MLIP: variants seen among roughly 807,000 people sequenced by gnomAD.
MLIP encodes the protein muscular LMNA-interacting protein.
Under a neutral mutation model 84.8 loss-of-function variants are expected in MLIP, and 79 were observed. The ratio of observed to expected loss-of-function variants is 0.93; its 90% CI spans 0.78 to 1.12. MLIP has a LOEUF of 1.12. MLIP is among the 50% of genes most tolerant of loss of function. The pLI, the probability that MLIP is intolerant of heterozygous loss-of-function variation, is 0.00. For synonymous variants in MLIP, 504 were observed against 463.0 expected, an observed-to-expected ratio of 1.09 and a Z score of -1.14; for missense variants, 1,257 against 1,160.6, an observed-to-expected ratio of 1.08 and a Z score of -1.21.
intron 4 of MLIP, among the ~76,000 whole-genome samples, chr6:54,139,980 A>G (rs1291849382): frequency 6.6e-6 from 1 of 152,174 alleles, no homozygotes; most frequent in East Asian, 1.9e-4. Flanking sequence ...TGAGATGGAT[A>G]AAATTTAACT....
intron 1 of MLIP, among the ~76,000 whole-genome samples, chr6:54,059,681 G>C (rs1444024531): frequency 1.3e-5 from 2 of 152,104 alleles, no homozygotes; most frequent in Non-Finnish European, 2.9e-5. Flanking sequence ...TTAATTCCCT[G>C]CTGGCCATAA....
At chr6:54,169,367 G>T (rs940217363) in intron 8 of MLIP, among the ~76,000 whole-genome samples, 161 bp from the exon 9 acceptor site, 1 of 151,714 alleles carries the variant, frequency 6.6e-6, no homozygotes, top group Non-Finnish European at 1.5e-5. Context: ...ATAATCAAGT[G>T]ATATCATTTT....
At chr6:54,101,062 A>G (rs566979154) in intron 1 of MLIP, among the ~76,000 whole-genome samples, 2 of 152,276 alleles carry the variant, frequency 1.3e-5, no homozygotes, top group East Asian at 1.9e-4. Context: ...GAGGATATGG[A>G]GCAAATATTT....
intron 1 of MLIP, among the ~76,000 whole-genome samples, chr6:54,035,022 G>A (rs1764347783): frequency 6.6e-6 from 1 of 152,098 alleles, no homozygotes; most frequent in Non-Finnish European, 1.5e-5. Context: ...ACAGTTACAT[G>A]TTGTACAGGT....
chr6:54,213,728 A>ACAAT (rs375011233), intron 11 of MLIP, among the ~76,000 whole-genome samples: 1 of 40,806 alleles, frequency 2.5e-5, no homozygotes, highest in African/African-American at 5.2e-5. Flanking sequence ...AAAAAAAAAA[A>ACAAT]AAAAAAAACA....
At chr6:54,113,307 C>T (rs1042145641) in intron 1 of MLIP, among the ~76,000 whole-genome samples, 1 of 152,144 alleles carries the variant, frequency 6.6e-6, no homozygotes, top group Admixed American at 6.5e-5. Context: ...ATTATTTGAA[C>T]TACTTCAGTA....
chr6:54,142,151 A>G (rs1157991187), intron 4 of MLIP, among the ~76,000 whole-genome samples: 2 of 152,240 alleles, frequency 1.3e-5, no homozygotes, highest in Non-Finnish European at 2.9e-5. Context: ...GGGTTCAAGC[A>G]AATCAGTCAT....
At chr6:54,152,782 A>G (rs1192153050) in intron 5 of MLIP, among the ~76,000 whole-genome samples, 3 of 152,176 alleles carry the variant, frequency 2.0e-5, no homozygotes, top group Non-Finnish European at 4.4e-5. Flanking sequence ...TGATAGCAAT[A>G]GGTAAAAAGT....
chr6:54,185,095 C>T (rs1777260254), intron 9 of MLIP, among the ~76,000 whole-genome samples: 1 of 152,152 alleles, frequency 6.6e-6, no homozygotes. Flanking sequence ...AGTATCTCCT[C>T]ACATTTTGGA....
chr6:54,038,045 G>A (rs7450517), intron 1 of MLIP, among the ~76,000 whole-genome samples: 77,507 of 151,658 alleles, frequency 0.51, 23,734 homozygotes, highest in Non-Finnish European at 0.69. Flanking sequence ...ACTCCTTAAT[G>A]CACTCAGTGT....
rs191403395 is a variant in MLIP at position 54,264,355 on chromosome 6, A to G, written c.2977-1595A>G. ...TTCACCATTTCAGAAGCCAAACTCA[A>G]TATAGGTTTTAGTTTGACTAAGACA... On this transcript the variant is annotated intron_variant, in intron 13 of 13. Coordinates refer to ENST00000502396, the MANE Select transcript of MLIP (RefSeq NM_001281747.2). 3.9e-5 allele frequency among the ~76,000 whole-genome samples: 6 copies of G among 152,206 alleles called. No individual in the cohort carries two copies. The East Asian group carries it at 1.2e-3, about 29-fold the overall frequency.
At position 54,136,959 on chromosome 6, in the gene MLIP, T is replaced by C. The variant is rs1771853343; in HGVS notation, c.890T>C (p.Leu297Ser). 2.0e-6 allele frequency: 3 copies of C among 1,536,072 alleles called. No homozygotes were observed. Among genetic ancestry groups the C allele is most frequent in the Non-Finnish European group, 2.6e-6 (3 of 1,146,874 alleles). Reference protein sequence around the residue: ...FSASKGTSSTLLFPHSTQLSG... With the variant: ...FSASKGTSSTSLFPHSTQLSG... ...GCATCGAAGGGCACCTCCTCGACGT[T>C]ACTGTTTCCCCATTCCACTCAACTA... Residue 297 changes from leucine (L) to serine (S), a missense_variant, in exon 4 of 14, where the codon TTA (leucine) becomes TCA (serine). Physicochemically the swap from Leu to Ser is moderately radical, Grantham distance 145. Coordinates refer to ENST00000502396, the MANE Select transcript of MLIP (RefSeq NM_001281747.2).
At chr6:54,123,600 A>C (rs764412582) in intron 2 of MLIP, among the ~76,000 whole-genome samples, 2 of 152,216 alleles carry the variant, frequency 1.3e-5, no homozygotes, top group Non-Finnish European at 2.9e-5. Context: ...CATTAAATTG[A>C]CCACCAGAGT....
At chr6:54,191,631 A>G (rs2150680397) in intron 10 of MLIP, among the ~76,000 whole-genome samples, 1 of 152,158 alleles carries the variant, frequency 6.6e-6, no homozygotes, top group East Asian at 1.9e-4. Flanking sequence ...AGAGCATTCT[A>G]TTGCGTACTT....
At position 54,064,491 on chromosome 6, in the gene MLIP, C is replaced by G. The variant is rs1766149653; in HGVS notation, c.63+45400C>G. The stretch of plus-strand genomic sequence containing the variant: ...TTGGTAACTACAAGAATAAACATAT[C>G]TCTTCCACCCCCTAAACACCCACCA... On this transcript the variant is annotated intron_variant, in intron 1 of 12. Transcript: ENST00000274897. Among the ~76,000 whole-genome samples, 2 of 100,200 alleles carry G rather than the reference C, an allele frequency of 2.0e-5. 1 individual carries two copies. The highest frequency in any genetic ancestry group is 5.7e-5 in the Non-Finnish European group (2 of 34,850). 65.7% of individuals were successfully genotyped at this position (100,200 alleles called of 152,430 possible).
chr6:54,223,449 C>T (rs550978037), intron 11 of MLIP, among the ~76,000 whole-genome samples: 21 of 152,054 alleles, frequency 1.4e-4, no homozygotes, highest in African/African-American at 5.1e-4. Flanking sequence ...AATAAGGATC[C>T]AGTTTCATTC....
chr6:54,118,280 C>G lies in MLIP; in HGVS notation c.97-3167C>G, dbSNP rs1350867538. ...GAATTCACAGTATACTACTACAAAGCTATAGTAACCAAAATAGCATGATGC... is the reference window on the plus strand; with the variant it reads ...GAATTCACAGTATACTACTACAAAGGTATAGTAACCAAAATAGCATGATGC... On this transcript the variant is annotated intron_variant, in intron 1 of 13. Transcript: ENST00000502396. Among the ~76,000 whole-genome samples, 4 of 152,204 alleles carry G rather than the reference C, an allele frequency of 2.6e-5. No homozygotes were observed. The South Asian group carries it at 8.3e-4, about 31-fold the overall frequency.
chr6:54,151,220 GT>G (rs1773409152), intron 5 of MLIP, among the ~76,000 whole-genome samples: 1 of 151,828 alleles, frequency 6.6e-6, no homozygotes, highest in Non-Finnish European at 1.5e-5. Flanking sequence ...GCTTTCCCAT[GT>G]TATGTGTTCC....
At chr6:54,173,096 G>A (rs1775934458) in intron 9 of MLIP, among the ~76,000 whole-genome samples, 1 of 151,608 alleles carries the variant, frequency 6.6e-6, no homozygotes, top group African/African-American at 2.4e-5. Context: ...CTCTTACCTT[G>A]AAAATAAAGC....
Sources: gnomAD v4.1 joint callset for allele counts (sites outside exome capture counted in the v4.1 genomes callset) on GRCh38, gnomAD v4.1.1 for gene constraint, MANE v1.5 for transcripts, NCBI Gene and HGNC (gene_info 2026-07-23, HGNC 2026-07-21) for gene names.